The following LRP1 variants were observed in gnomAD, a reference collection of about 807,000 sequenced individuals.
The protein encoded by LRP1 is prolow-density lipoprotein receptor-related protein 1.
LRP1 carries 51 observed loss-of-function variants against 541.5 expected under a neutral mutation model. The ratio of observed to expected loss-of-function variants is 0.09; its 90% CI spans 0.08 to 0.12. The LOEUF is 0.12. Among genes scored for constraint, LRP1 ranks in the 10% least tolerant of loss-of-function variants. The probability of loss-of-function intolerance (pLI) is 1.00; values close to 1 mark genes in which losing one functional copy is unlikely to be tolerated. For missense variants in LRP1, 3,878 were observed against 6,376.2 expected (o/e 0.61, Z 13.34); for synonymous variants, 2,219 against 2,470.8 (o/e 0.90, Z 3.02).
chr12:57,152,528 C>A (rs2035545539), intron 6 of LRP1, among the ~76,000 whole-genome samples: 1 of 152,132 alleles, frequency 6.6e-6, no homozygotes. Context: ...AATCTGTTTT[C>A]TCTGTGGTTA....
intron 8 of LRP1, chr12:57,155,239 C>T (rs138846818): frequency 1.6e-4 from 32 of 200,046 alleles, no homozygotes; most frequent in East Asian, 5.2e-4. Context: ...AGTTGGCCAC[C>T]GCAGATAAGC....
At chr12:57,149,061 C>A in intron 6 of LRP1, 2 of 592,676 alleles carry the variant, frequency 3.4e-6, no homozygotes, top group South Asian at 4.3e-5. Flanking sequence ...AGACAGCAGT[C>A]CCTCTGAGTC....
Position 57,187,568 on chromosome 12 carries a change from C to T in LRP1, c.7031+112C>T. ...CAGGAGAGGCAGGCCCTCACTTGAG[C>T]TCCACCCTTCCCTGCTGTGTGATCT... On this transcript the variant is annotated intron_variant, in intron 42 of 88. Transcript: ENST00000243077. 3 of 1,034,062 alleles carry T rather than the reference C, an allele frequency of 2.9e-6. No individual in the cohort carries two copies. The Admixed American group carries it at 8.2e-5, about 28-fold the overall frequency. 64.1% of individuals were successfully genotyped at this position (1,034,062 alleles called of 1,614,324 possible). A position where few individuals can be genotyped will look rare whatever the true frequency, so the allele number is the denominator to read the frequency against.
Position 57,173,572 on chromosome 12 carries a change from A to G in LRP1, c.3347-208A>G, listed in dbSNP as rs1236989773. 6.6e-6 allele frequency among the ~76,000 whole-genome samples: 1 copy of G among 152,182 alleles called. No homozygotes were observed. Among genetic ancestry groups the G allele is most frequent in the African/African-American group, 2.4e-5 (1 of 41,450 alleles). On this transcript the variant is annotated intron_variant, in intron 21 of 88. Transcript: ENST00000243077. The surrounding 1 kb of genome is among the most constrained non-coding windows in gnomAD (Gnocchi z 4.7). ...AGAGGACCTGAGAAGCCAAAACCCT[A>G]CCAGAGTTGAGCTTCAGCACCTCCT...
intron 46 of LRP1, 34 bp from the exon 47 acceptor site, chr12:57,193,532 G>A (rs774997724): frequency 1.4e-5 from 22 of 1,606,898 alleles, no homozygotes; most frequent in Admixed American, 6.7e-5. Flanking sequence ...CCCTGTGCCT[G>A]TGGCTGACAC....
chr12:57,149,062 C>G (rs1014789240), intron 6 of LRP1: 5 of 591,602 alleles, frequency 8.5e-6, no homozygotes, highest in Non-Finnish European at 1.2e-5. Flanking sequence ...GACAGCAGTC[C>G]CTCTGAGTCT....
intron 8 of LRP1, among the ~76,000 whole-genome samples, chr12:57,155,890 G>A (rs1477792119): frequency 6.6e-6 from 1 of 152,204 alleles, no homozygotes; most frequent in Admixed American, 6.5e-5. Flanking sequence ...GGTGGAGACT[G>A]CAGTGAGCCG....
At chr12:57,200,635 C>T (rs2036629666) in intron 63 of LRP1, 64 bp from the exon 64 acceptor site, 1 of 1,548,062 alleles carries the variant, frequency 6.5e-7, no homozygotes, top group Non-Finnish European at 8.9e-7. Context: ...GCTGTGGTGC[C>T]CTGCAAGTGG....
At chr12:57,208,007 A>G in intron 76 of LRP1, 31 bp from the exon 77 acceptor site, 1 of 1,606,596 alleles carries the variant, frequency 6.2e-7, no homozygotes, top group East Asian at 2.2e-5. Flanking sequence ...AAGACAAAGC[A>G]GTGGCCCCTG....
Position 57,193,225 on chromosome 12 carries a change from C to T in LRP1, c.7605C>T (p.Gly2535=), listed in dbSNP as rs147482875. 9.9e-4 allele frequency: 1,594 copies of T among 1,614,116 alleles called. 23 individuals carry two copies. In the South Asian group the frequency reaches 0.016, roughly 16 times the overall value. The change falls in exon 46 of 89, where the codon GGC becomes GGT. Residue 2535 remains glycine (G), a synonymous_variant. Transcript: ENST00000243077. ...RAQDEFECAN[G]ECINFSLTCD... is the part of the protein sequence containing the mutation. ...AAGATGAGTTTGAGTGTGCCAATGGCGAGTGCATCAACTTCAGCCTGACCT... is the reference window on the plus strand; with the variant it reads ...AAGATGAGTTTGAGTGTGCCAATGGTGAGTGCATCAACTTCAGCCTGACCT...
chr12:57,191,749 C>T (rs892026858), intron 44 of LRP1, among the ~76,000 whole-genome samples: 2 of 33,846 alleles, frequency 5.9e-5, no homozygotes, highest in African/African-American at 2.0e-4. Flanking sequence ...TACACATACA[C>T]CCCCAACACA....
chr12:57,147,351 C>T (rs1270247374), intron 6 of LRP1: 1 of 152,450 alleles, frequency 6.6e-6, no homozygotes, highest in Non-Finnish European at 1.5e-5. Flanking sequence ...TCCCCTAGCC[C>T]CTCCCCCAGT....
Position 57,179,303 on chromosome 12 carries a change from T to C in LRP1, c.4739-26T>C. The C allele has an allele frequency of 6.4e-7, 1 of 1,550,776 alleles. No homozygotes were observed. The highest frequency in any genetic ancestry group is 8.9e-7 in the Non-Finnish European group (1 of 1,124,336). On this transcript the variant is annotated intron_variant, in intron 28 of 88. Coordinates refer to ENST00000243077, the MANE Select transcript of LRP1 (RefSeq NM_002332.3). This position sits in a 1 kb window ranked among gnomAD's most constrained non-coding sequence, Gnocchi z 6.8. ...GGGAAGCACAGAGGCAGGGACTGCC[T>C]TCAGTGACCAGCCCATGCCCCACAG...
chr12:57,205,769 G>A lies in LRP1; in HGVS notation c.11590+92G>A, dbSNP rs1024665189. On this transcript the variant is annotated intron_variant, in intron 75 of 88. Coordinates refer to ENST00000243077, the MANE Select transcript of LRP1 (RefSeq NM_002332.3). The surrounding 1 kb of genome is among the most constrained non-coding windows in gnomAD (Gnocchi z 4.6). ...GACTTGGAATGGAATGTCTTCCTGC[G>A]GACATCTTGCCCAGACAAGAAGCCC... 59 of 1,538,566 alleles carry A rather than the reference G, an allele frequency of 3.8e-5. No homozygotes were observed. Among genetic ancestry groups the A allele is most frequent in the Admixed American group, 2.7e-4 (15 of 55,446 alleles).
Position 57,206,538 on chromosome 12 carries a change from C to T in LRP1, c.11656C>T (p.Pro3886Ser). 1 of 1,614,180 alleles carries T rather than the reference C, an allele frequency of 6.2e-7. No homozygotes were observed. The highest frequency in any genetic ancestry group is 8.5e-7 in the Non-Finnish European group (1 of 1,180,034). The change falls in exon 76 of 89, where the codon CCC becomes TCC. Residue 3886 changes from proline to serine, a missense_variant. This residue lies in a region of LRP1 where 871 missense variants were observed against 1,212.4 expected (regional missense o/e 0.72). Transcript: ENST00000243077. The surrounding 1 kb of genome is among the most constrained non-coding windows in gnomAD (Gnocchi z 4.7). ...NEIRSLFPGH[P>S]HSAYEQAFQG... The stretch of plus-strand genomic sequence containing the variant: ...GATCCGCAGCCTGTTCCCCGGCCAC[C>T]CCCATTCGGCTTACGAGCAGGCATT...
Position 57,201,207 on chromosome 12 carries a change from G to T in LRP1, c.10345+54G>T, listed in dbSNP as rs1415422256. On this transcript the variant is annotated intron_variant, in intron 65 of 88. Coordinates refer to ENST00000243077, the MANE Select transcript of LRP1 (RefSeq NM_002332.3). This position sits in a 1 kb window ranked among gnomAD's most constrained non-coding sequence, Gnocchi z 6.4. Reference sequence around the variant, plus strand: ...TGGTGGGAGATGACACGGAAGCAGGGCAGGCAGAATCTCCCCACAGCTTTG... The same window carrying T: ...TGGTGGGAGATGACACGGAAGCAGGTCAGGCAGAATCTCCCCACAGCTTTG... 6.2e-7 allele frequency: 1 copy of T among 1,607,984 alleles called. No homozygotes were observed. The highest frequency in any genetic ancestry group is 1.3e-5 in the African/African-American group (1 of 74,860).
chr12:57,165,299 C>T lies in LRP1; in HGVS notation c.2531-506C>T, dbSNP rs1455349316. The stretch of plus-strand genomic sequence containing the variant: ...GACAAAGGACGTCGTGATTTAGCTG[C>T]TAATGGGCCAAGACAGATAGTGATG... On this transcript the variant is annotated intron_variant, in intron 15 of 88. Transcript: ENST00000243077. The surrounding 1 kb of genome is among the most constrained non-coding windows in gnomAD (Gnocchi z 4.5). The T allele has an allele frequency of 6.5e-6, 1 of 153,766 alleles. No homozygotes were observed. Among genetic ancestry groups the T allele is most frequent in the African/African-American group, 2.4e-5 (1 of 41,450 alleles). The allele number at this position is 153,766 out of a possible 1,614,324, so 9.5% of individuals were successfully genotyped here.
In LRP1 at chr12:57,203,198, G is replaced by T. The variant is rs866559567; in HGVS notation, c.10729G>T (p.Glu3577Ter). Residue 3577 changes from glutamate (E) to a stop codon, truncating the protein, a stop_gained, in exon 69 of 89, where the codon GAG (glutamate) becomes TAG (stop). Transcript: ENST00000243077. LOFTEE classifies it high-confidence loss of function. ...EESCTPRPCS[E>*]SEFSCANGRC... ...CTTCCCAGCCCCTCGGCCCTGCTCC[G>T]AGAGTGAGTTCTCCTGTGCCAACGG... is the stretch of plus-strand genomic sequence containing the variant. 1.2e-6 allele frequency: 2 copies of T among 1,602,818 alleles called. No individual in the cohort carries two copies. Among genetic ancestry groups the T allele is most frequent in the East Asian group, 2.2e-5 (1 of 44,508 alleles).
At chr12:57,207,981 G>C (rs2036821872) in intron 76 of LRP1, 57 bp from the exon 77 acceptor site, 4 of 1,580,298 alleles carry the variant, frequency 2.5e-6, no homozygotes, top group Non-Finnish European at 3.5e-6. Flanking sequence ...AGTGGTGGCG[G>C]GGGGATAATG....
Sources: gnomAD v4.1 joint callset for allele counts (sites outside exome capture counted in the v4.1 genomes callset) on GRCh38, gnomAD v4.1.1 for gene constraint, gnomAD v4.1.1 regional missense constraint, Gnocchi (gnomAD v3.1) non-coding constraint, MANE v1.5 for transcripts, NCBI Gene and HGNC (gene_info 2026-07-23, HGNC 2026-07-21) for gene names.